The following COBL variants were observed in gnomAD, a reference collection of about 807,000 sequenced individuals.
The protein encoded by COBL is cordon-bleu WH2 repeat protein.
Under a neutral mutation model 98.8 loss-of-function variants are expected in COBL, and 51 were observed. That is an observed-to-expected ratio of 0.52 (90% CI 0.41 to 0.65). The LOEUF (loss-of-function observed/expected upper bound fraction) is 0.65. COBL is among the 30% of genes least tolerant of loss of function. The pLI, the probability that COBL is intolerant of heterozygous loss-of-function variation, is 0.00. For synonymous variants in COBL, 634 were observed against 651.7 expected (o/e 0.97, Z 0.41); for missense variants, 1,617 against 1,617.5 (o/e 1.00, Z 0.01).
At position 51,065,152 on chromosome 7, in the gene COBL, T is replaced by C. The variant is rs866137676; in HGVS notation, c.1096+20014A>G. 5.7e-5 allele frequency: 40 copies of C among 701,094 alleles called. No homozygotes were observed. The African/African-American group carries it at 6.5e-4, about 11-fold the overall frequency. The allele number at this position is 701,094 out of a possible 1,614,324, so 43.4% of individuals were successfully genotyped here. ...AAACAAGTGTTAGCTGATTAGGGAT[T>C]GTCTCCCAAATGCCAATATTTCAGA... On this transcript the variant is annotated intron_variant, in intron 7 of 12. Transcript: ENST00000265136.
At chr7:51,177,533 G>C (rs1048422446) in intron 5 of COBL, among the ~76,000 whole-genome samples, 2 of 151,612 alleles carry the variant, frequency 1.3e-5, no homozygotes, top group Non-Finnish European at 2.9e-5. Flanking sequence ...CAGCACTCTG[G>C]GGGGCTGAGG....
intron 4 of COBL, among the ~76,000 whole-genome samples, chr7:51,188,774 A>G (rs1789799313): frequency 6.6e-6 from 1 of 152,162 alleles, no homozygotes; most frequent in African/African-American, 2.4e-5. Flanking sequence ...CCCTGACCAC[A>G]TGAACACTTC....
At chr7:51,112,000 T>C (rs1308472802) in intron 6 of COBL, among the ~76,000 whole-genome samples, 2 of 152,198 alleles carry the variant, frequency 1.3e-5, no homozygotes, top group Non-Finnish European at 2.9e-5. Context: ...ATCAATATCA[T>C]CAAAGGAATC....
At chr7:51,158,366 C>A (rs956020483) in intron 5 of COBL, among the ~76,000 whole-genome samples, 4 of 152,174 alleles carry the variant, frequency 2.6e-5, no homozygotes, top group South Asian at 4.1e-4. Context: ...TACCGGATGG[C>A]GGAAGGGCAG....
At chr7:51,316,379 C>G in intron 1 of COBL, 1 of 336,452 alleles carries the variant, frequency 3.0e-6, no homozygotes, top group Non-Finnish European at 5.2e-6. Context: ...ACACGGTTAC[C>G]TGGGCAACGA....
rs117914625 is a variant in COBL at position 51,148,613 on chromosome 7, G to A, written c.784-12282C>T. ...TACTCCCAAATTTTCTTGACTTTCC[G>A]TGGCTCATTCCTGAATTTCCTTAGC... On this transcript the variant is annotated intron_variant, in intron 5 of 12. Coordinates refer to ENST00000265136, the MANE Select transcript of COBL (RefSeq NM_015198.5). 6.8e-3 allele frequency among the ~76,000 whole-genome samples: 1,029 copies of A among 152,200 alleles called. 3 individuals are homozygous for A. The highest frequency in any genetic ancestry group is 0.011 in the Non-Finnish European group (756 of 68,016).
intron 1 of COBL, among the ~76,000 whole-genome samples, chr7:51,310,711 G>C (rs1802945251): frequency 6.6e-6 from 1 of 152,236 alleles, no homozygotes; most frequent in Non-Finnish European, 1.5e-5. Context: ...ATCAGGTGGA[G>C]TGCAGTGGCA....
intron 6 of COBL, among the ~76,000 whole-genome samples, chr7:51,121,588 A>G (rs1398838412): frequency 6.6e-6 from 1 of 152,208 alleles, no homozygotes; most frequent in East Asian, 1.9e-4. Flanking sequence ...GTTAACCACA[A>G]TGAACCCAGA....
intron 1 of COBL, among the ~76,000 whole-genome samples, chr7:51,290,149 C>T (rs1450935379): frequency 6.6e-6 from 1 of 152,188 alleles, no homozygotes; most frequent in African/African-American, 2.4e-5. Flanking sequence ...TGCTCAAGAT[C>T]AACACTTGGA....
At chr7:51,089,415 T>C (rs545092328) in intron 6 of COBL, among the ~76,000 whole-genome samples, 54 of 152,118 alleles carry the variant, frequency 3.5e-4, no homozygotes, top group South Asian at 3.5e-3. Context: ...CTCGGGAAGC[T>C]GAGGCGGGAG....
intron 4 of COBL, among the ~76,000 whole-genome samples, chr7:51,189,410 G>T (rs1390122111): frequency 6.6e-6 from 1 of 152,190 alleles, no homozygotes; most frequent in Non-Finnish European, 1.5e-5. Context: ...AAGGCAGGCG[G>T]ATCACCTGAG....
In COBL at chr7:51,190,787, A is replaced by C. The variant is rs1353337660; in HGVS notation, c.685+63T>G. ...GAGTGCTGGGGAGAGCCAACAGGGGACATGTACACGCCGCGCATCCGTGTG... is the reference window on the plus strand; with the variant it reads ...GAGTGCTGGGGAGAGCCAACAGGGGCCATGTACACGCCGCGCATCCGTGTG... On this transcript the variant is annotated intron_variant, in intron 4 of 12. Coordinates refer to ENST00000265136, the MANE Select transcript of COBL (RefSeq NM_015198.5). 4 of 1,331,130 alleles carry C rather than the reference A, an allele frequency of 3.0e-6. No individual in the cohort carries two copies. The East Asian group carries it at 7.1e-5, about 24-fold the overall frequency. The allele number at this position is 1,331,130 out of a possible 1,614,324, so 82.5% of individuals were successfully genotyped here. A position where few individuals can be genotyped will look rare whatever the true frequency, so the allele number is the denominator to read the frequency against.
chr7:51,026,491 G>T, intron 11 of COBL, 55 bp downstream of exon 11: 1 of 1,596,950 alleles, frequency 6.3e-7, no homozygotes. Flanking sequence ...TGCCTCGGAA[G>T]AAGGGGTGGG....
rs2129141119 is a variant in COBL, at chr7:51,254,878, A to T, written c.42-34934T>A. On this transcript the variant is annotated intron_variant, in intron 1 of 12. Coordinates refer to ENST00000265136, the MANE Select transcript of COBL (RefSeq NM_015198.5). ...CTCAGACCTTATCAAAGGGCTGAATAAATGTGGTTGATGTACTGGTTTCTC... is the reference window on the plus strand; with the variant it reads ...CTCAGACCTTATCAAAGGGCTGAATTAATGTGGTTGATGTACTGGTTTCTC... Among the ~76,000 whole-genome samples the T allele has an allele frequency of 2.0e-5, 3 of 152,350 alleles. No individual in the cohort carries two copies. In the Middle Eastern group the frequency reaches 0.01, roughly 518 times the overall value.
At chr7:51,312,815 G>A (rs934795910) in intron 1 of COBL, among the ~76,000 whole-genome samples, 4 of 152,108 alleles carry the variant, frequency 2.6e-5, no homozygotes, top group African/African-American at 4.8e-5. Flanking sequence ...CTGGGGGCAG[G>A]AGAGATGCAA....
At chr7:51,277,298 G>C (rs1187204561) in intron 1 of COBL, among the ~76,000 whole-genome samples, 1 of 152,178 alleles carries the variant, frequency 6.6e-6, no homozygotes, top group Non-Finnish European at 1.5e-5. Flanking sequence ...GAGAAGGTAT[G>C]TGTGTGCATC....
intron 5 of COBL, among the ~76,000 whole-genome samples, chr7:51,147,495 G>A (rs769194265): frequency 6.6e-6 from 1 of 152,084 alleles, no homozygotes; most frequent in Non-Finnish European, 1.5e-5. Context: ...GGTTTCCACT[G>A]GCCAGAACAG....
At chr7:51,220,829 T>A (rs1480719396) in intron 1 of COBL, among the ~76,000 whole-genome samples, 1 of 152,146 alleles carries the variant, frequency 6.6e-6, no homozygotes, top group Non-Finnish European at 1.5e-5. Flanking sequence ...CTGATGAACA[T>A]TTTTAGAAAT....
At chr7:51,079,019 C>T (rs1793369831) in intron 7 of COBL, among the ~76,000 whole-genome samples, 1 of 152,186 alleles carries the variant, frequency 6.6e-6, no homozygotes, top group African/African-American at 2.4e-5. Flanking sequence ...ATCCCACTAC[C>T]TTTGCCATAT....
Sources: allele counts gnomAD v4.1 joint callset (sites outside exome capture counted in the v4.1 genomes callset), GRCh38; gene constraint gnomAD v4.1.1; transcripts MANE v1.5; gene names NCBI Gene and HGNC (gene_info 2026-07-23, HGNC 2026-07-21).